PRR5L: variants seen among roughly 807,000 people sequenced by gnomAD.
The protein encoded by PRR5L is proline-rich protein 5-like.
A neutral mutation model predicts 36.4 loss-of-function variants in PRR5L; 21 were observed. The ratio of observed to expected loss-of-function variants is 0.58; its 90% confidence interval spans 0.41 to 0.83. The LOEUF (loss-of-function observed/expected upper bound fraction) is 0.83, where lower values mean the gene tolerates loss of function less well. Ranked by LOEUF, PRR5L falls within the 40% of genes least tolerant of loss-of-function variation. The pLI is 0.00. For synonymous variants in PRR5L, 188 were observed against 197.0 expected (o/e 0.95, Z 0.38); for missense variants, 381 against 473.3 (o/e 0.80, Z 1.81).
At chr11:36,349,060 G>A (rs976849836) in intron 1 of PRR5L, among the ~76,000 whole-genome samples, 2 of 152,116 alleles carry the variant, frequency 1.3e-5, no homozygotes, top group Non-Finnish European at 2.9e-5. Flanking sequence ...GAAGGTGAGC[G>A]AATCACTTGA....
At chr11:36,350,218 GGT>G (rs1856913938) in intron 1 of PRR5L, among the ~76,000 whole-genome samples, 1 of 147,770 alleles carries the variant, frequency 6.8e-6, no homozygotes, top group Non-Finnish European at 1.5e-5. Flanking sequence ...GTGTGGGGTG[GGT>G]GTGTGTGGGG....
chr11:36,337,688 G>A (rs1469188348), intron 1 of PRR5L, among the ~76,000 whole-genome samples: 2 of 152,142 alleles, frequency 1.3e-5, no homozygotes, highest in Non-Finnish European at 2.9e-5. Flanking sequence ...CTGCCATATT[G>A]TTCCGCATGG....
chr11:36,388,698 CTTT>C (rs36056659), intron 1 of PRR5L, among the ~76,000 whole-genome samples: 3 of 109,128 alleles, frequency 2.7e-5, no homozygotes, highest in Non-Finnish European at 5.2e-5. Context: ...CTCTTTCTTT[CTTT>C]TTTTTTTTTT....
chr11:36,413,247 T>C (rs1003438004), intron 3 of PRR5L, among the ~76,000 whole-genome samples: 3 of 152,212 alleles, frequency 2.0e-5, no homozygotes, highest in Admixed American at 2.0e-4. Flanking sequence ...TCACTCTCTA[T>C]AGTCCTGAGA....
chr11:36,440,368 T>C (rs950534544), intron 6 of PRR5L, among the ~76,000 whole-genome samples: 3 of 152,312 alleles, frequency 2.0e-5, no homozygotes, highest in Admixed American at 2.0e-4. Flanking sequence ...TACTAGGTAC[T>C]GATTCAGTAT....
intron 1 of PRR5L, among the ~76,000 whole-genome samples, chr11:36,365,829 C>T (rs539852966): frequency 7.6e-4 from 116 of 152,332 alleles, no homozygotes; most frequent in African/African-American, 2.7e-3. Context: ...AACTGCCCAC[C>T]AGTTAACGCT....
intron 7 of PRR5L, among the ~76,000 whole-genome samples, chr11:36,448,871 CATTT>C (rs1191465362): frequency 6.7e-6 from 1 of 149,858 alleles, no homozygotes; most frequent in Admixed American, 6.6e-5. Flanking sequence ...GTCTTGTACT[CATTT>C]ATTAAGAGAG....
At chr11:36,384,190 C>T (rs1479010192) in intron 1 of PRR5L, among the ~76,000 whole-genome samples, 1 of 152,202 alleles carries the variant, frequency 6.6e-6, no homozygotes, top group Non-Finnish European at 1.5e-5. Context: ...AATTTCCTTT[C>T]CAGTCTCCAG....
intron 1 of PRR5L, among the ~76,000 whole-genome samples, chr11:36,347,259 A>G (rs1034783528): frequency 6.6e-6 from 1 of 152,172 alleles, no homozygotes; most frequent in African/African-American, 2.4e-5. Flanking sequence ...CTAAAATGAA[A>G]TACATATGCA....
intron 1 of PRR5L, among the ~76,000 whole-genome samples, chr11:36,373,598 T>TA (rs560773054): frequency 0.084 from 11,480 of 136,390 alleles, 910 homozygotes; most frequent in African/African-American, 0.22. Context: ...GACTCTGTTT[T>TA]AAAAAAAAAA....
intron 4 of PRR5L, among the ~76,000 whole-genome samples, chr11:36,427,667 C>A (rs900456669): frequency 1.1e-4 from 17 of 152,166 alleles, no homozygotes; most frequent in African/African-American, 3.9e-4. Context: ...GGCTTAAGCC[C>A]CACAGATGTC....
intron 8 of PRR5L, among the ~76,000 whole-genome samples, chr11:36,456,180 T>C (rs1123347): frequency 1.3e-5 from 2 of 151,884 alleles, no homozygotes; most frequent in Non-Finnish European, 1.5e-5. Flanking sequence ...CTGTCTCAGG[T>C]AAGGGCCAGG....
In PRR5L at chr11:36,344,205, G is replaced by A. The variant is rs185660025; in HGVS notation, c.-126+47767G>A. On this transcript the variant is annotated intron_variant, in intron 1 of 8. Coordinates refer to ENST00000530639, the MANE Select transcript of PRR5L (RefSeq NM_001160167.2). This position sits in a 1 kb window ranked among gnomAD's most constrained non-coding sequence, Gnocchi z 4.1. ...GCACACTCCAGCCTGGGCAACAAGC[G>A]CAAAACTCTGTCTCAAAAAAAAAAA... is the stretch of plus-strand genomic sequence containing the variant. Among the ~76,000 whole-genome samples the A allele has an allele frequency of 1.3e-3, 196 of 150,266 alleles. No homozygotes were observed. Among genetic ancestry groups the A allele is most frequent in the African/African-American group, 4.4e-3 (178 of 40,612 alleles).
intron 2 of PRR5L, among the ~76,000 whole-genome samples, chr11:36,401,527 C>A (rs1300250073): frequency 1.3e-5 from 2 of 152,232 alleles, no homozygotes; most frequent in East Asian, 3.9e-4. Context: ...TGGGCTCGGG[C>A]GATCCTCCTG....
chr11:36,366,931 TC>T (rs1857150417), intron 1 of PRR5L, among the ~76,000 whole-genome samples: 1 of 152,138 alleles, frequency 6.6e-6, no homozygotes, highest in Non-Finnish European at 1.5e-5. Flanking sequence ...TCCTCCCTTC[TC>T]CCACAGACAG....
In PRR5L at chr11:36,370,496, A is replaced by T. The variant is rs187982916; in HGVS notation, c.-125-30501A>T. ...TGTCTTTCTTGTTCACCATTACATC[A>T]CTGGTGCTTGACACCAATAAGTGGC... On this transcript the variant is annotated intron_variant, in intron 1 of 8. Transcript: ENST00000530639. 4.6e-5 allele frequency among the ~76,000 whole-genome samples: 7 copies of T among 152,176 alleles called. No homozygotes were observed. In the East Asian group the frequency reaches 1.4e-3, roughly 29 times the overall value.
intron 6 of PRR5L, among the ~76,000 whole-genome samples, chr11:36,441,246 C>T (rs1316587037): frequency 6.6e-6 from 1 of 152,130 alleles, no homozygotes; most frequent in African/African-American, 2.4e-5. Context: ...GTTCCTTGCA[C>T]CTACGAGCTT....
chr11:36,299,699 C>T (rs1856353156), intron 1 of PRR5L, among the ~76,000 whole-genome samples: 1 of 152,274 alleles, frequency 6.6e-6, no homozygotes, highest in East Asian at 1.9e-4. Flanking sequence ...TTAACGAATT[C>T]ACCCAAAAGA....
At chr11:36,442,084 G>T (rs1236041744) in intron 6 of PRR5L, among the ~76,000 whole-genome samples, 1 of 152,094 alleles carries the variant, frequency 6.6e-6, no homozygotes, top group Non-Finnish European at 1.5e-5. Flanking sequence ...TTAAACTCTG[G>T]TCTTGGCTAT....
Sources: gnomAD v4.1 joint callset for allele counts (sites outside exome capture counted in the v4.1 genomes callset) on GRCh38, gnomAD v4.1.1 for gene constraint, Gnocchi (gnomAD v3.1) non-coding constraint, MANE v1.5 for transcripts, NCBI Gene and HGNC (gene_info 2026-07-23, HGNC 2026-07-21) for gene names.